The following DIP2C variants were observed in gnomAD, a reference collection of about 807,000 sequenced individuals.
The protein encoded by DIP2C is DIP2 acetate--CoA ligase C (putative).
DIP2C carries 33 observed loss-of-function variants against 192.4 expected under a neutral mutation model. That is an observed-to-expected ratio of 0.17 (90% CI 0.13 to 0.23). DIP2C has a LOEUF of 0.23. DIP2C is among the 10% of genes least tolerant of loss of function. The pLI is 1.00. For missense variants in DIP2C, 1,537 were observed against 2,110.1 expected, an observed-to-expected ratio of 0.73 and a Z score of 5.32; for synonymous variants, 979 against 864.1, an observed-to-expected ratio of 1.13 and a Z score of -2.33.
intron 1 of DIP2C, among the ~76,000 whole-genome samples, chr10:577,947 T>C (rs1850280339): frequency 6.6e-6 from 1 of 152,194 alleles, no homozygotes; most frequent in South Asian, 2.1e-4. Flanking sequence ...CCTTCTGTTC[T>C]GAAAAATCAG....
intron 32 of DIP2C, among the ~76,000 whole-genome samples, chr10:296,272 AATCC>A (rs1360560526): frequency 2.6e-5 from 4 of 152,320 alleles, no homozygotes; most frequent in Non-Finnish European, 5.9e-5. Context: ...TTAAGTCTTT[AATCC>A]ATCTTGAATT....
At chr10:418,956 T>C in intron 6 of DIP2C, 109 bp downstream of exon 6, 1 of 1,516,788 alleles carries the variant, frequency 6.6e-7, no homozygotes. Flanking sequence ...ATTGGCTTTG[T>C]CAGAACCGAT....
chr10:553,161 A>G (rs1007548477), intron 1 of DIP2C, among the ~76,000 whole-genome samples: 2 of 152,072 alleles, frequency 1.3e-5, no homozygotes, highest in African/African-American at 4.8e-5. Context: ...GCATCCCCAC[A>G]TGGGCACTGG....
intron 30 of DIP2C, 84 bp from the exon 31 acceptor site, chr10:327,260 C>A: frequency 1.4e-6 from 2 of 1,472,196 alleles, no homozygotes; most frequent in Non-Finnish European, 1.8e-6. Flanking sequence ...CAGATCCCCA[C>A]GTAAACATTG....
chr10:653,340 C>T (rs900769120), intron 1 of DIP2C, among the ~76,000 whole-genome samples: 5 of 152,004 alleles, frequency 3.3e-5, no homozygotes, highest in African/African-American at 4.8e-5. Flanking sequence ...CCCAGCTACT[C>T]GGGAGGCTGA....
At chr10:510,094 CTG>C (rs1449462526) in intron 1 of DIP2C, among the ~76,000 whole-genome samples, 1 of 152,240 alleles carries the variant, frequency 6.6e-6, no homozygotes, top group Non-Finnish European at 1.5e-5. Context: ...AGGGAGTTAT[CTG>C]TAGCAATCGC....
chr10:397,164 C>A (rs1170303346), intron 10 of DIP2C, among the ~76,000 whole-genome samples: 4 of 152,100 alleles, frequency 2.6e-5, no homozygotes, highest in African/African-American at 9.7e-5. Context: ...GCTGAAGTTT[C>A]TTTGCCTGGG....
In DIP2C at chr10:293,275, G is replaced by C. The variant is rs534864098; in HGVS notation, c.3987-4854C>G. 3.1e-4 allele frequency among the ~76,000 whole-genome samples: 47 copies of C among 152,342 alleles called. 1 individual carries two copies. The East Asian group carries it at 9.1e-3, about 29-fold the overall frequency. On this transcript the variant is annotated intron_variant, in intron 32 of 36. Coordinates refer to ENST00000280886, the MANE Select transcript of DIP2C (RefSeq NM_014974.3). Reference sequence around the variant, plus strand: ...GACAGACCAGATGCAGACGGAGCTGGTGCTGTCCTCAGTGCCAACTCTGTG... The same window carrying C: ...GACAGACCAGATGCAGACGGAGCTGCTGCTGTCCTCAGTGCCAACTCTGTG...
chr10:588,739 A>G (rs816613), intron 1 of DIP2C, among the ~76,000 whole-genome samples: 43,235 of 152,084 alleles, frequency 0.28, 9,987 homozygotes, highest in African/African-American at 0.64. Flanking sequence ...GTGGTGCCTG[A>G]ACTGCCCCAC....
chr10:294,661 T>C (rs946913701), intron 32 of DIP2C, among the ~76,000 whole-genome samples: 8 of 151,748 alleles, frequency 5.3e-5, no homozygotes, highest in South Asian at 2.1e-4. Flanking sequence ...GTGGGATAAA[T>C]TGTTTATCAA....
In DIP2C at chr10:678,525, C is replaced by T. The variant is rs536097673; in HGVS notation, c.85+10969G>A. On this transcript the variant is annotated intron_variant, in intron 1 of 36. Coordinates refer to ENST00000280886, the MANE Select transcript of DIP2C (RefSeq NM_014974.3). ...TCCCCGCACCCAAGCTCCCCACACC[C>T]GTGCTCCCCGCGCCCATCTCTGCTC... Among the ~76,000 whole-genome samples the T allele has an allele frequency of 1.5e-3, 232 of 151,712 alleles. 1 individual carries two copies. Among genetic ancestry groups the T allele is most frequent in the African/African-American group, 5.2e-3 (213 of 41,192 alleles).
intron 1 of DIP2C, among the ~76,000 whole-genome samples, chr10:487,567 GTTTTTTTTTTTTTTTTT>G (rs71376836): frequency 1.8e-5 from 1 of 54,164 alleles, no homozygotes; most frequent in African/African-American, 8.0e-5. Context: ...ATCAATGAGT[GTTTTTTTTTTTTTTTTT>G]TTTTTTTTTT....
chr10:615,340 G>C (rs947443446), intron 1 of DIP2C, among the ~76,000 whole-genome samples: 5 of 152,196 alleles, frequency 3.3e-5, no homozygotes, highest in African/African-American at 1.2e-4. Flanking sequence ...GCTTCTGCAA[G>C]GAGGGCCTGG....
intron 32 of DIP2C, among the ~76,000 whole-genome samples, chr10:305,994 T>TATATATATACATA (rs201950305): frequency 4.6e-4 from 68 of 148,762 alleles, no homozygotes; most frequent in Middle Eastern, 3.5e-3. Context: ...TATATATATA[T>TATATATATACATA]TATATTTTTT....
chr10:275,103 TAG>T lies in DIP2C; in HGVS notation c.*2220_*2221del, dbSNP rs1229829122. ...CTGCAGCGTCCACACTCCTTGAATGTAGAGTTGATCTGGTGACAGTTGAAATT... is the reference window on the plus strand; with the variant it reads ...CTGCAGCGTCCACACTCCTTGAATGTAGTTGATCTGGTGACAGTTGAAATT... On this transcript the variant is annotated 3_prime_UTR_variant, in exon 37 of 37. Transcript: ENST00000280886. 1.3e-5 allele frequency: 2 copies of T among 152,268 alleles called. No individual in the cohort carries two copies. The highest frequency in any genetic ancestry group is 2.4e-5 in the African/African-American group (1 of 41,466). The allele number at this position is 152,268 out of a possible 1,614,324, so 9.4% of individuals were successfully genotyped here.
rs1195003504 is a variant in DIP2C, at chr10:666,815, T to C, written c.85+22679A>G. ...TTCCCCAGGCCTACGGGGACAGATG[T>C]AGCTCCCCAGGAAATACCACAGGCA... On this transcript the variant is annotated intron_variant, in intron 1 of 36. Transcript: ENST00000280886. The surrounding 1 kb of genome is among the most constrained non-coding windows in gnomAD (Gnocchi z 4.1). 1 of 152,186 alleles carries C rather than the reference T, an allele frequency of 6.6e-6. No individual in the cohort carries two copies. Among genetic ancestry groups the C allele is most frequent in the Non-Finnish European group, 1.5e-5 (1 of 68,150 alleles). The allele number at this position is 152,186 out of a possible 1,614,324, so 9.4% of individuals were successfully genotyped here.
intron 1 of DIP2C, among the ~76,000 whole-genome samples, chr10:510,620 A>C (rs1298601013): frequency 6.6e-6 from 1 of 152,234 alleles, no homozygotes; most frequent in East Asian, 1.9e-4. Flanking sequence ...AAGACAGCAG[A>C]GCAATGGGGA....
intron 2 of DIP2C, among the ~76,000 whole-genome samples, chr10:481,044 G>A (rs559421632): frequency 3.3e-5 from 5 of 152,290 alleles, no homozygotes; most frequent in South Asian, 2.1e-4. Context: ...TCCAGCCCAG[G>A]TGAGGAGGCG....
intron 1 of DIP2C, among the ~76,000 whole-genome samples, chr10:559,183 G>A (rs1849061866): frequency 6.6e-6 from 1 of 152,200 alleles, no homozygotes; most frequent in Non-Finnish European, 1.5e-5. Flanking sequence ...AGACCCTTTG[G>A]AGGCAGCTGT....
Sources: gnomAD v4.1 joint callset for allele counts (sites outside exome capture counted in the v4.1 genomes callset) on GRCh38, gnomAD v4.1.1 for gene constraint, Gnocchi (gnomAD v3.1) non-coding constraint, MANE v1.5 for transcripts, NCBI Gene and HGNC (gene_info 2026-07-23, HGNC 2026-07-21) for gene names.